Variants in HDAC4 observed in about 807,000 individuals in gnomAD.
The protein encoded by HDAC4 is histone deacetylase 4, also known as histone deacetylase A.
In HDAC4, 16 loss-of-function variants were observed where a neutral mutation model predicts 135.1. The ratio of observed to expected loss-of-function variants is 0.12; its 90% CI spans 0.08 to 0.18. The LOEUF (loss-of-function observed/expected upper bound fraction) is 0.18, where lower values mean the gene tolerates loss of function less well. Ranked by LOEUF, HDAC4 falls within the 10% of genes least tolerant of loss-of-function variation. The probability of loss-of-function intolerance (pLI) is 1.00; values close to 1 mark genes in which losing one functional copy is unlikely to be tolerated. For synonymous variants in HDAC4, 685 were observed against 653.4 expected (o/e 1.05, Z -0.74); for missense variants, 1,143 against 1,511.8 (o/e 0.76, Z 4.05).
intron 3 of HDAC4, among the ~76,000 whole-genome samples, chr2:239,230,392 C>CAAAAAAAAAAAAAAAAAAAAAAAAAAA (rs2047480766): frequency 1.3e-5 from 1 of 74,182 alleles, no homozygotes; most frequent in Admixed American, 1.3e-4. Context: ...AAAAAAAAAG[C>CAAAAAAAAAAAAAAAAAAAAAAAAAAA]AAAGCAGGTG....
intron 1 of HDAC4, among the ~76,000 whole-genome samples, chr2:239,360,595 C>T (rs563157228): frequency 4.6e-5 from 7 of 152,332 alleles, no homozygotes; most frequent in African/African-American, 9.6e-5. Context: ...TTCACACCCC[C>T]GGACTCTGGC....
chr2:239,059,742 T>A (rs189544851), intron 24 of HDAC4, among the ~76,000 whole-genome samples: 95 of 152,182 alleles, frequency 6.2e-4, no homozygotes, highest in Admixed American at 1.8e-3. Context: ...CCTCCACTCC[T>A]CCAGAGGACA....
intron 3 of HDAC4, among the ~76,000 whole-genome samples, chr2:239,204,372 C>T (rs2045926711): frequency 6.6e-6 from 1 of 152,212 alleles, no homozygotes; most frequent in Non-Finnish European, 1.5e-5. Context: ...ACCCTGAATA[C>T]ACAGGGCTCC....
chr2:239,121,834 C>G (rs1489245621), intron 12 of HDAC4, among the ~76,000 whole-genome samples: 1 of 152,268 alleles, frequency 6.6e-6, no homozygotes, highest in Middle Eastern at 3.4e-3. Flanking sequence ...GCAAACAAAG[C>G]CTGCTTCTCT....
chr2:239,102,171 C>T (rs575150253), intron 16 of HDAC4, among the ~76,000 whole-genome samples: 2 of 149,994 alleles, frequency 1.3e-5, no homozygotes, highest in Admixed American at 6.6e-5. Flanking sequence ...CCCGGCCCCA[C>T]GTCTGGGTTC....
intron 23 of HDAC4, 198 bp from the exon 24 acceptor site, chr2:239,067,053 T>A: frequency 1.5e-6 from 1 of 660,604 alleles, no homozygotes; most frequent in Non-Finnish European, 2.7e-6. Context: ...AGAGGAGGAA[T>A]TATGGCTTCA....
At chr2:239,261,814 G>C (rs947300663) in intron 2 of HDAC4, among the ~76,000 whole-genome samples, 3 of 152,116 alleles carry the variant, frequency 2.0e-5, no homozygotes, top group Non-Finnish European at 4.4e-5. Context: ...ACCTTCCCTC[G>C]CTCCTTAACA....
intron 1 of HDAC4, among the ~76,000 whole-genome samples, chr2:239,399,231 A>G (rs1683999895): frequency 6.6e-6 from 1 of 152,254 alleles, no homozygotes; most frequent in Non-Finnish European, 1.5e-5. Context: ...CCAAAACTCC[A>G]TTCTGATGAA....
chr2:239,054,276 C>T (rs965247506), intron 25 of HDAC4, among the ~76,000 whole-genome samples: 1 of 152,104 alleles, frequency 6.6e-6, no homozygotes, highest in African/African-American at 2.4e-5. Context: ...CTGCGTGCCA[C>T]GCCCTTGCAC....
rs10207397 is a variant in HDAC4, at chr2:239,068,400, G to A, written c.2869+89C>T. 3,303 of 959,450 alleles carry A rather than the reference G, an allele frequency of 3.4e-3. 76 individuals carry two copies. The African/African-American group carries it at 0.044, about 13-fold the overall frequency. The allele number at this position is 959,450 out of a possible 1,614,324, so 59.4% of individuals were successfully genotyped here. A position where few individuals can be genotyped will look rare whatever the true frequency, so the allele number is the denominator to read the frequency against. On this transcript the variant is annotated intron_variant, in intron 23 of 26. Coordinates refer to ENST00000543185, the MANE Select transcript of HDAC4 (RefSeq NM_001378414.1). This position sits in a 1 kb window ranked among gnomAD's most constrained non-coding sequence, Gnocchi z 4.4. ...GTAAAAAGGTGCCCTTCCTTATCTC[G>A]TTATTAAAAAGGGGACCTGACACGC...
intron 5 of HDAC4, among the ~76,000 whole-genome samples, chr2:239,165,730 C>T (rs561417763): frequency 1.3e-3 from 201 of 152,174 alleles, no homozygotes; most frequent in African/African-American, 4.5e-3. Context: ...TCGGCTGCTC[C>T]GTGTGTGTGT....
intron 1 of HDAC4, among the ~76,000 whole-genome samples, chr2:239,381,296 T>C (rs1400963222): frequency 1.3e-5 from 2 of 152,238 alleles, no homozygotes; most frequent in Non-Finnish European, 2.9e-5. Flanking sequence ...TCTTTTTATG[T>C]AGTCACTACA....
At chr2:239,197,882 T>TGTGTGTGTGCGC (rs796837146) in intron 3 of HDAC4, among the ~76,000 whole-genome samples, 14 of 150,418 alleles carry the variant, frequency 9.3e-5, no homozygotes, top group African/African-American at 3.4e-4. Flanking sequence ...TGTGTGTGTG[T>TGTGTGTGTGCGC]GCTGAGTGTC....
Position 239,372,321 on chromosome 2 carries a change from T to C in HDAC4, c.-219-19403A>G, listed in dbSNP as rs1410049675. Among the ~76,000 whole-genome samples the C allele has an allele frequency of 3.9e-5, 6 of 152,204 alleles. No homozygotes were observed. The South Asian group carries it at 1.2e-3, about 31-fold the overall frequency. On this transcript the variant is annotated intron_variant, in intron 1 of 26. Coordinates refer to ENST00000543185, the MANE Select transcript of HDAC4 (RefSeq NM_001378414.1). ...GCTCCCCATCCCCGGGCCCTCCTCC[T>C]TACTCCTGCCTTTAAGAAGCAACAC...
intron 2 of HDAC4, among the ~76,000 whole-genome samples, chr2:239,242,954 T>C (rs1185283250): frequency 6.6e-6 from 1 of 152,190 alleles, no homozygotes; most frequent in Non-Finnish European, 1.5e-5. Context: ...TAACTTTGCA[T>C]TCCTGTGACA....
chr2:239,247,754 G>A (rs1466966358), intron 2 of HDAC4, among the ~76,000 whole-genome samples: 1 of 152,168 alleles, frequency 6.6e-6, no homozygotes, highest in Non-Finnish European at 1.5e-5. Flanking sequence ...TAAACTCAAA[G>A]TGGCCATTTG....
chr2:239,180,610 G>GC (rs2044086002), intron 4 of HDAC4, among the ~76,000 whole-genome samples: 2 of 152,192 alleles, frequency 1.3e-5, no homozygotes, highest in African/African-American at 4.8e-5. Context: ...TGTAAGTAAA[G>GC]CCCCCAGCCC....
chr2:239,175,043 T>G (rs1237867039), intron 5 of HDAC4, among the ~76,000 whole-genome samples: 1 of 152,204 alleles, frequency 6.6e-6, no homozygotes, highest in Admixed American at 6.5e-5. Context: ...AGTAAATCCC[T>G]CTACTCTCCT....
chr2:239,369,499 CTAAGTT>C (rs1174345058), intron 1 of HDAC4, among the ~76,000 whole-genome samples: 1 of 152,168 alleles, frequency 6.6e-6, no homozygotes, highest in African/African-American at 2.4e-5. Flanking sequence ...CTCCTACTTT[CTAAGTT>C]TATTTATTGT....
Sources: gnomAD v4.1 joint callset for allele counts (sites outside exome capture counted in the v4.1 genomes callset) on GRCh38, gnomAD v4.1.1 for gene constraint, Gnocchi (gnomAD v3.1) non-coding constraint, MANE v1.5 for transcripts, NCBI Gene and HGNC (gene_info 2026-07-23, HGNC 2026-07-21) for gene names.